ERC1: variants seen among roughly 807,000 people sequenced by gnomAD.
ERC1 encodes RAB6 interacting protein 2.
In ERC1, 56 loss-of-function variants were observed where a neutral mutation model predicts 132.0. That is an observed-to-expected ratio of 0.42 (90% CI 0.34 to 0.53). The LOEUF is 0.53. Ranked by LOEUF, ERC1 falls within the 20% of genes least tolerant of loss-of-function variation. ERC1 has a pLI of 0.03. For synonymous variants in ERC1, 478 were observed against 476.1 expected (o/e 1.00, Z -0.05); for missense variants, 1,202 against 1,349.9 (o/e 0.89, Z 1.72).
chr12:1,164,337 G>GTTATT (rs149554739), intron 8 of ERC1, among the ~76,000 whole-genome samples: 18,733 of 131,838 alleles, frequency 0.14, 1,866 homozygotes, highest in Non-Finnish European at 0.21. Flanking sequence ...TTTATTTTAT[G>GTTATT]TTATTTTATG....
chr12:1,190,177 G>C (rs769334579), intron 12 of ERC1, 125 bp downstream of exon 12: 1 of 893,332 alleles, frequency 1.1e-6, no homozygotes, highest in Admixed American at 1.7e-5. Flanking sequence ...TGCTATTACT[G>C]TATTAGCTGC....
At chr12:1,326,201 G>A (rs981147400) in intron 15 of ERC1, among the ~76,000 whole-genome samples, 3 of 152,118 alleles carry the variant, frequency 2.0e-5, no homozygotes, top group Non-Finnish European at 4.4e-5. Flanking sequence ...TTGCAGACTG[G>A]TAAAGTGAAC....
chr12:1,040,306 TTTC>T (rs907186278), intron 2 of ERC1, among the ~76,000 whole-genome samples: 4 of 151,688 alleles, frequency 2.6e-5, no homozygotes, highest in Non-Finnish European at 5.9e-5. Flanking sequence ...CATTTTTCTT[TTTC>T]TTTTTTTCTT....
intron 17 of ERC1, among the ~76,000 whole-genome samples, chr12:1,420,470 T>C (rs2092379345): frequency 6.6e-6 from 1 of 151,900 alleles, no homozygotes; most frequent in Non-Finnish European, 1.5e-5. Context: ...TGTTTATTTA[T>C]TTTGAGACGG....
rs182067062 is a variant in ERC1, at chr12:1,256,386, G to A, written c.2488-6648G>A. On this transcript the variant is annotated intron_variant, in intron 13 of 18. Coordinates refer to ENST00000360905, the MANE Select transcript of ERC1 (RefSeq NM_178040.4). Reference sequence around the variant, plus strand: ...TAAAGAGGGTCTTTATTCAGTGGGGGCCAATAGACTCTGAGTATTTCGTTC... The same window carrying A: ...TAAAGAGGGTCTTTATTCAGTGGGGACCAATAGACTCTGAGTATTTCGTTC... 1.1e-4 allele frequency among the ~76,000 whole-genome samples: 17 copies of A among 148,512 alleles called. No individual in the cohort carries two copies. In the East Asian group the frequency reaches 3.3e-3, roughly 29 times the overall value.
chr12:1,276,446 A>C (rs143418534), intron 14 of ERC1, among the ~76,000 whole-genome samples: 1 of 151,344 alleles, frequency 6.6e-6, no homozygotes, highest in African/African-American at 2.4e-5. Flanking sequence ...CGCTATGTTG[A>C]CCAGGCTGGT....
At chr12:1,214,922 G>C (rs1402167129) in intron 12 of ERC1, among the ~76,000 whole-genome samples, 1 of 152,094 alleles carries the variant, frequency 6.6e-6, no homozygotes, top group East Asian at 1.9e-4. Flanking sequence ...ATTTAACCTA[G>C]AGCTCTTTAG....
chr12:1,190,735 C>A (rs1243535139), intron 12 of ERC1, among the ~76,000 whole-genome samples: 1 of 152,108 alleles, frequency 6.6e-6, no homozygotes, highest in Admixed American at 6.5e-5. Flanking sequence ...TCTTCTTTTA[C>A]ACCACATATT....
At chr12:1,221,568 A>G (rs932391673) in intron 12 of ERC1, among the ~76,000 whole-genome samples, 1 of 152,186 alleles carries the variant, frequency 6.6e-6, no homozygotes, top group African/African-American at 2.4e-5. Context: ...TCTCCTTTTC[A>G]TCATGACTTG....
In ERC1 at chr12:1,227,208, C is replaced by T. The variant is rs560612418; in HGVS notation, c.2352-9561C>T. On this transcript the variant is annotated intron_variant, in intron 12 of 18. Coordinates refer to ENST00000360905, the MANE Select transcript of ERC1 (RefSeq NM_178040.4). Reference sequence around the variant, plus strand: ...CTAATGTTTAGAGGAACCTTCTTACCGTTTTCCATAATGGCTGTGCCAGTT... The same window carrying T: ...CTAATGTTTAGAGGAACCTTCTTACTGTTTTCCATAATGGCTGTGCCAGTT... 1.7e-4 allele frequency among the ~76,000 whole-genome samples: 26 copies of T among 152,228 alleles called. No individual in the cohort carries two copies. The South Asian group carries it at 2.9e-3, about 17-fold the overall frequency.
chr12:1,217,031 C>T (rs1017919719), intron 12 of ERC1, among the ~76,000 whole-genome samples: 14 of 152,152 alleles, frequency 9.2e-5, no homozygotes, highest in Non-Finnish European at 5.9e-5. Flanking sequence ...TAATGCTTAA[C>T]AGAAATGGGT....
chr12:1,093,852 GA>G (rs1222238802), intron 3 of ERC1, among the ~76,000 whole-genome samples: 3 of 143,836 alleles, frequency 2.1e-5, no homozygotes, highest in East Asian at 2.0e-4. Context: ...GGAGATTAAA[GA>G]AAAAAAGAAA....
intron 2 of ERC1, among the ~76,000 whole-genome samples, chr12:1,064,102 T>C (rs1031442151): frequency 6.6e-6 from 1 of 152,232 alleles, no homozygotes; most frequent in Admixed American, 6.5e-5. Flanking sequence ...ATTCAGCAGT[T>C]TGAATATATC....
intron 12 of ERC1, among the ~76,000 whole-genome samples, chr12:1,193,168 T>G (rs1955897457): frequency 6.6e-6 from 1 of 152,208 alleles, no homozygotes; most frequent in Non-Finnish European, 1.5e-5. Context: ...GCCTGTTCTT[T>G]GTGATCTAAA....
intron 8 of ERC1, among the ~76,000 whole-genome samples, chr12:1,177,652 A>G (rs186199526): frequency 6.6e-6 from 1 of 152,224 alleles, no homozygotes; most frequent in Non-Finnish European, 1.5e-5. Flanking sequence ...TAGTATCATC[A>G]GAGATCACTG....
At chr12:1,308,952 G>A (rs1436738090) in intron 15 of ERC1, among the ~76,000 whole-genome samples, 1 of 152,140 alleles carries the variant, frequency 6.6e-6, no homozygotes, top group Admixed American at 6.5e-5. Context: ...AATGGGATTC[G>A]TGTCCTTGTA....
At chr12:1,310,148 C>T (rs886186186) in intron 15 of ERC1, among the ~76,000 whole-genome samples, 7 of 151,054 alleles carry the variant, frequency 4.6e-5, no homozygotes, top group Non-Finnish European at 7.4e-5. Flanking sequence ...GGGGTTTCAC[C>T]GTGTTAGTGC....
chr12:1,205,362 T>C (rs1957257746), intron 12 of ERC1, among the ~76,000 whole-genome samples: 1 of 151,132 alleles, frequency 6.6e-6, no homozygotes, highest in Non-Finnish European at 1.5e-5. Context: ...ATAGCGATTA[T>C]ATATATGTGT....
intron 18 of ERC1, among the ~76,000 whole-genome samples, chr12:1,481,782 T>C (rs1356157361): frequency 1.3e-5 from 2 of 152,292 alleles, no homozygotes; most frequent in East Asian, 1.9e-4. Flanking sequence ...GGTTTTTTTT[T>C]CTCCTTAATC....
Sources: gnomAD v4.1 joint callset for allele counts (sites outside exome capture counted in the v4.1 genomes callset) on GRCh38, gnomAD v4.1.1 for gene constraint, MANE v1.5 for transcripts, NCBI Gene and HGNC (gene_info 2026-07-23, HGNC 2026-07-21) for gene names.